Variants in TRIM2 observed in about 807,000 individuals in gnomAD.
TRIM2 encodes tripartite motif containing 2, also known as tripartite motif-containing protein 2.
A neutral mutation model predicts 75.2 loss-of-function variants in TRIM2; 20 were observed. That is an observed-to-expected ratio of 0.27 (90% confidence interval 0.19 to 0.39). The LOEUF (loss-of-function observed/expected upper bound fraction) is 0.39, where lower values mean the gene tolerates loss of function less well. Ranked by LOEUF, TRIM2 falls within the 10% of genes least tolerant of loss-of-function variation. The probability of loss-of-function intolerance (pLI) is 1.00; values close to 1 mark genes in which losing one functional copy is unlikely to be tolerated. For synonymous variants in TRIM2, 373 were observed against 388.3 expected (o/e 0.96, Z 0.46); for missense variants, 660 against 990.8 (o/e 0.67, Z 4.48).
chr4:153,284,980 T>C (rs1760260043), intron 3 of TRIM2, among the ~76,000 whole-genome samples: 1 of 152,200 alleles, frequency 6.6e-6, no homozygotes, highest in Non-Finnish European at 1.5e-5. Flanking sequence ...CTTTTGTTGC[T>C]TGTGCTTTTG....
At chr4:153,198,155 C>T (rs1733966770) in intron 1 of TRIM2, among the ~76,000 whole-genome samples, 1 of 152,112 alleles carries the variant, frequency 6.6e-6, no homozygotes, top group South Asian at 2.1e-4. Flanking sequence ...GATTCTAAAA[C>T]ACATAATTTA....
chr4:153,156,337 C>T (rs1057057650), intron 1 of TRIM2, among the ~76,000 whole-genome samples: 3 of 152,198 alleles, frequency 2.0e-5, no homozygotes, highest in Non-Finnish European at 2.9e-5. Context: ...CTCCATAGAT[C>T]TCTCTGGATT....
At chr4:153,261,605 A>G (rs778983666) in intron 1 of TRIM2, among the ~76,000 whole-genome samples, 1 of 152,184 alleles carries the variant, frequency 6.6e-6, no homozygotes, top group Non-Finnish European at 1.5e-5. Context: ...TTTGTTTTTC[A>G]GTAGAATCTT....
chr4:153,183,242 A>G (rs911052893), intron 1 of TRIM2, among the ~76,000 whole-genome samples: 3 of 152,208 alleles, frequency 2.0e-5, no homozygotes, highest in Non-Finnish European at 2.9e-5. Flanking sequence ...GCAGTGATGC[A>G]TGGGCTGCTT....
intron 8 of TRIM2, among the ~76,000 whole-genome samples, chr4:153,316,376 C>G (rs780031586): frequency 4.6e-5 from 7 of 152,146 alleles, no homozygotes; most frequent in Non-Finnish European, 8.8e-5. Flanking sequence ...TTAGGAAGTA[C>G]TTTTTACTTT....
intron 1 of TRIM2, among the ~76,000 whole-genome samples, chr4:153,260,696 C>CTCACACACACA (rs1560902840): frequency 1.7e-5 from 1 of 58,010 alleles, no homozygotes; most frequent in African/African-American, 5.8e-5. Flanking sequence ...ACCCACCCCC[C>CTCACACACACA]CCCCCACACA....
At chr4:153,277,094 T>A (rs1308852007) in intron 3 of TRIM2, among the ~76,000 whole-genome samples, 1 of 152,230 alleles carries the variant, frequency 6.6e-6, no homozygotes, top group Non-Finnish European at 1.5e-5. Context: ...CAATTCTTAT[T>A]AGCCACACTA....
intron 6 of TRIM2, among the ~76,000 whole-genome samples, chr4:153,296,972 G>A (rs561546047): frequency 6.6e-5 from 10 of 152,324 alleles, no homozygotes; most frequent in African/African-American, 2.2e-4. Flanking sequence ...TAGGCTAAAT[G>A]AAGGAAGTGG....
rs553213531 is a variant in TRIM2, at chr4:153,192,345, A to T, written c.-49+39075A>T. Among the ~76,000 whole-genome samples the T allele has an allele frequency of 2.6e-5, 4 of 152,180 alleles. No individual in the cohort carries two copies. The South Asian group carries it at 6.2e-4, about 24-fold the overall frequency. ...ATCTAGGCTGGGAGTGGTGGCTCAC[A>T]CCTCTAATCCCAACACTTTGGGAGG... On this transcript the variant is annotated intron_variant, in intron 1 of 11. Coordinates refer to the TRIM2 transcript ENST00000437508.
intron 1 of TRIM2, among the ~76,000 whole-genome samples, chr4:153,215,194 G>C (rs1738141907): frequency 6.6e-6 from 1 of 152,116 alleles, no homozygotes; most frequent in Non-Finnish European, 1.5e-5. Flanking sequence ...CCTGGCTAAA[G>C]TGCCACTTTC....
At chr4:153,171,182 A>G (rs922299736) in intron 1 of TRIM2, among the ~76,000 whole-genome samples, 1 of 152,160 alleles carries the variant, frequency 6.6e-6, no homozygotes, top group African/African-American at 2.4e-5. Flanking sequence ...CCAAATGTAA[A>G]CTACTATAGA....
chr4:153,240,365 A>G (rs568054197), intron 1 of TRIM2, among the ~76,000 whole-genome samples: 2 of 152,324 alleles, frequency 1.3e-5, no homozygotes, highest in East Asian at 1.9e-4. Context: ...TTTCTTTTCA[A>G]TATTGTTTTC....
intron 1 of TRIM2, among the ~76,000 whole-genome samples, chr4:153,250,994 G>A (rs1750729887): frequency 6.6e-6 from 1 of 152,158 alleles, no homozygotes; most frequent in Admixed American, 6.6e-5. Flanking sequence ...TCATCTGAAG[G>A]CCAGGCCACT....
intron 1 of TRIM2, among the ~76,000 whole-genome samples, chr4:153,171,269 T>G (rs961745502): frequency 6.6e-6 from 1 of 152,160 alleles, no homozygotes; most frequent in African/African-American, 2.4e-5. Flanking sequence ...ACCAGCACAC[T>G]TTAACACAGC....
At chr4:153,217,040 T>G (rs999686421) in intron 1 of TRIM2, among the ~76,000 whole-genome samples, 2 of 152,248 alleles carry the variant, frequency 1.3e-5, no homozygotes, top group Non-Finnish European at 2.9e-5. Context: ...CATCTTACCA[T>G]GAGCACAGTC....
At chr4:153,282,285 T>C (rs1371397276) in intron 3 of TRIM2, among the ~76,000 whole-genome samples, 2 of 152,258 alleles carry the variant, frequency 1.3e-5, no homozygotes, top group Non-Finnish European at 2.9e-5. Context: ...AATGACTAGC[T>C]ATTGATAATT....
intron 6 of TRIM2, chr4:153,308,367 C>T (rs148497725): frequency 2.8e-4 from 297 of 1,067,276 alleles, no homozygotes; most frequent in Non-Finnish European, 4.0e-4. Context: ...GGTTCTTGAG[C>T]AGATGATCTC....
chr4:153,268,970 C>A (rs139767690), intron 1 of TRIM2, among the ~76,000 whole-genome samples: 1 of 152,150 alleles, frequency 6.6e-6, no homozygotes, highest in Admixed American at 6.5e-5. Flanking sequence ...ATCTATAAAC[C>A]TTTAGTCCTG....
chr4:153,173,107 G>C (rs990945364), intron 1 of TRIM2, among the ~76,000 whole-genome samples: 1 of 152,202 alleles, frequency 6.6e-6, no homozygotes, highest in African/African-American at 2.4e-5. Context: ...TTCGGCCTGG[G>C]TTTAGGTGTC....
Sources: allele counts gnomAD v4.1 joint callset (sites outside exome capture counted in the v4.1 genomes callset), GRCh38; gene constraint gnomAD v4.1.1; transcripts MANE v1.5; gene names NCBI Gene and HGNC (gene_info 2026-07-23, HGNC 2026-07-21).